PCDHA7: variants seen among roughly 807,000 people sequenced by gnomAD.
PCDHA7 encodes the protein protocadherin alpha 7.
PCDHA7 carries 37 observed loss-of-function variants against 57.2 expected under a neutral mutation model. The observed-to-expected ratio is 0.65, with a 90% CI of 0.50 to 0.85. PCDHA7 has a LOEUF of 0.85. Among genes scored for constraint, PCDHA7 ranks in the 40% least tolerant of loss-of-function variants. The probability of loss-of-function intolerance (pLI) is 0.00; values close to 1 mark genes in which losing one functional copy is unlikely to be tolerated. For synonymous variants in PCDHA7, 553 were observed against 558.8 expected, an observed-to-expected ratio of 0.99 and a Z score of 0.15; for missense variants, 1,188 against 1,241.8, an observed-to-expected ratio of 0.96 and a Z score of 0.65.
Position 140,915,626 on chromosome 5 carries a change from G to GTCTCTCTC in PCDHA7, c.2356-63300_2356-63293dup, listed in dbSNP as rs57920489. Among the ~76,000 whole-genome samples the GTCTCTCTC allele has an allele frequency of 4.4e-3, 648 of 146,532 alleles. 6 individuals carry two copies. Among genetic ancestry groups the GTCTCTCTC allele is most frequent in the East Asian group, 0.011 (51 of 4,846 alleles). Reference sequence around the variant, plus strand: ...ACTTTCTGTCAAACAGTCTCTTTCTGTCTCTCTCTCTCTCTCTCTCTCTCT... The same window carrying GTCTCTCTC: ...ACTTTCTGTCAAACAGTCTCTTTCTGTCTCTCTCTCTCTCTCTCTCTCTCTCTCTCTCT... On this transcript the variant is annotated intron_variant, in intron 1 of 3. Transcript: ENST00000525929.
At chr5:140,915,840 G>A (rs1554197129) in intron 1 of PCDHA7, among the ~76,000 whole-genome samples, 1 of 152,142 alleles carries the variant, frequency 6.6e-6, no homozygotes, top group Admixed American at 6.5e-5. Context: ...AGATCAGCAG[G>A]GGGTGACACC....
At chr5:140,947,371 A>G (rs1468768080) in intron 1 of PCDHA7, among the ~76,000 whole-genome samples, 1 of 151,626 alleles carries the variant, frequency 6.6e-6, no homozygotes, top group Non-Finnish European at 1.5e-5. Context: ...CCTTTGATCT[A>G]TATGTTTATC....
intron 1 of PCDHA7, chr5:140,848,326 C>T (rs1554142056): frequency 2.5e-6 from 2 of 808,244 alleles, no homozygotes; most frequent in African/African-American, 3.4e-5. Flanking sequence ...GATGTTCTCT[C>T]TGAATCCAGA....
chr5:140,869,999 G>A, intron 1 of PCDHA7: 1 of 1,613,514 alleles, frequency 6.2e-7, no homozygotes, highest in Non-Finnish European at 8.5e-7. Context: ...CAAAATAATG[G>A]AGAAGTGAGG....
chr5:140,836,611 G>T lies in PCDHA7; in HGVS notation c.2228G>T (p.Ser743Ile), dbSNP rs1554136131. 2 of 1,613,590 alleles carry T rather than the reference G, an allele frequency of 1.2e-6. No individual in the cohort carries two copies. The highest frequency in any genetic ancestry group is 4.5e-5 in the East Asian group (2 of 44,854). ...SLVKPTLVCSSAVGSWSFSQQ... is the reference protein window; with the variant it reads ...SLVKPTLVCSIAVGSWSFSQQ... ...GTAAAGCCCACTCTGGTGTGCTCCA[G>T]CGCGGTGGGGAGCTGGTCATTCTCC... Residue 743 changes from serine to isoleucine, a missense_variant, in exon 1 of 4, where the codon AGC (serine) becomes ATC (isoleucine). Around this residue, in one of 3 missense-constraint regions of PCDHA7, gnomAD observed 892 missense variants for 788.5 expected, o/e 1.13. Coordinates refer to ENST00000525929, the MANE Select transcript of PCDHA7 (RefSeq NM_018910.3).
In PCDHA7 at chr5:140,929,414, A is replaced by G. The variant is rs1174756115; in HGVS notation, c.2356-49535A>G. The G allele has an allele frequency of 6.6e-6, 10 of 1,504,304 alleles. No individual in the cohort carries two copies. The East Asian group carries it at 1.1e-4, about 17-fold the overall frequency. 93.2% of individuals were successfully genotyped at this position (1,504,304 alleles called of 1,614,324 possible). A position where few individuals can be genotyped will look rare whatever the true frequency, so the allele number is the denominator to read the frequency against. On this transcript the variant is annotated intron_variant, in intron 1 of 3. Transcript: ENST00000525929. ...ATATTTCTTAGACAAGCCTTTCACA[A>G]CATTTCATCAATTGAACTAAACACT...
chr5:140,894,670 C>T (rs971891585), intron 1 of PCDHA7, among the ~76,000 whole-genome samples: 2 of 151,580 alleles, frequency 1.3e-5, no homozygotes, highest in African/African-American at 4.8e-5. Flanking sequence ...TTTGTGTATT[C>T]TTGCATAGCT....
intron 1 of PCDHA7, among the ~76,000 whole-genome samples, chr5:140,900,275 C>T (rs1260418745): frequency 9.2e-5 from 14 of 151,438 alleles, no homozygotes; most frequent in African/African-American, 2.9e-4. Context: ...GTATATGTAC[C>T]ACACTTTCTT....
intron 1 of PCDHA7, chr5:140,883,833 C>G: frequency 6.2e-7 from 1 of 1,612,590 alleles, no homozygotes; most frequent in Non-Finnish European, 8.5e-7. Flanking sequence ...GCGCTGCAGC[C>G]GTTGGACCAC....
At chr5:140,884,049 T>C (rs1268930422) in intron 1 of PCDHA7, 2 of 1,613,296 alleles carry the variant, frequency 1.2e-6, no homozygotes, top group African/African-American at 1.3e-5. Flanking sequence ...GTGGCGAAGG[T>C]GCGCGCGGTG....
Position 141,010,304 on chromosome 5 carries a change from A to C in PCDHA7, c.*367A>C. 1.3e-6 allele frequency: 2 copies of C among 1,548,750 alleles called. No homozygotes were observed. Among genetic ancestry groups the C allele is most frequent in the Non-Finnish European group, 8.7e-7 (1 of 1,146,136 alleles). On this transcript the variant is annotated 3_prime_UTR_variant, in exon 4 of 4. Coordinates refer to ENST00000525929, the MANE Select transcript of PCDHA7 (RefSeq NM_018910.3). ...ATGACACTTGCAGGGCAGGCTGAAA[A>C]GTTTTGAGATTGAGCAGCTTGGGAG...
At chr5:140,853,040 G>C in intron 1 of PCDHA7, 2 of 265,518 alleles carry the variant, frequency 7.5e-6, no homozygotes, top group Non-Finnish European at 1.2e-5. Context: ...CACCATGCCC[G>C]CCTAATTTTT....
At chr5:140,841,343 G>T (rs1554138115) in intron 1 of PCDHA7, 1 of 1,612,324 alleles carries the variant, frequency 6.2e-7, no homozygotes, top group Non-Finnish European at 8.5e-7. Context: ...CTGGCGAGGA[G>T]AGCTGGGATC....
At chr5:140,898,059 G>C (rs372963837) in intron 1 of PCDHA7, among the ~76,000 whole-genome samples, 2 of 151,948 alleles carry the variant, frequency 1.3e-5, no homozygotes, top group Non-Finnish European at 1.5e-5. Flanking sequence ...TTGTAAATTT[G>C]TTTGAGTTCA....
intron 3 of PCDHA7, among the ~76,000 whole-genome samples, chr5:141,000,361 G>GTCTCTCTCTC (rs148596731): frequency 1.1e-4 from 3 of 26,446 alleles, no homozygotes; most frequent in East Asian, 1.6e-3. Context: ...GTCTCTCTCT[G>GTCTCTCTCTC]TCTCTCTCTC....
In PCDHA7 at chr5:140,875,510, G is replaced by T. The variant is rs186070067; in HGVS notation, c.2355+38772G>T. The stretch of plus-strand genomic sequence containing the variant: ...GGACCAAGAGGCCCGGGATCCCAGC[G>T]TCTGCTGCTCTCGCTTCTGCTCCTT... On this transcript the variant is annotated intron_variant, in intron 1 of 3. Transcript: ENST00000525929. 1.2e-5 allele frequency: 19 copies of T among 1,613,812 alleles called. No homozygotes were observed. Among genetic ancestry groups the T allele is most frequent in the Non-Finnish European group, 1.6e-5 (19 of 1,179,784 alleles).
intron 1 of PCDHA7, among the ~76,000 whole-genome samples, chr5:140,872,045 C>G (rs1286579116): frequency 6.6e-6 from 1 of 152,208 alleles, no homozygotes; most frequent in East Asian, 1.9e-4. Flanking sequence ...AAGAATTCTC[C>G]CACTTCAGCC....
At chr5:140,939,207 T>C (rs1013809748) in intron 1 of PCDHA7, among the ~76,000 whole-genome samples, 1 of 152,180 alleles carries the variant, frequency 6.6e-6, no homozygotes, top group Non-Finnish European at 1.5e-5. Context: ...GAATGTCACC[T>C]TCTTGCTGTC....
In PCDHA7 at chr5:140,835,835, G is replaced by A. The variant is rs2150246191; in HGVS notation, c.1452G>A (p.Ala484=). The change falls in exon 1 of 4, where the codon GCG becomes GCA. Residue 484 remains alanine (A), a synonymous_variant. Transcript: ENST00000525929. ...IFTVSAGDAD[A]QKNALVSYSL... ...CTGTGTCGGCGGGGGACGCGGACGC[G>A]CAGAAGAACGCGCTGGTGTCCTACT... 1 of 1,612,346 alleles carries A rather than the reference G, an allele frequency of 6.2e-7. No homozygotes were observed. Among genetic ancestry groups the A allele is most frequent in the Non-Finnish European group, 8.5e-7 (1 of 1,179,666 alleles).
Sources: gnomAD v4.1 joint callset for allele counts (sites outside exome capture counted in the v4.1 genomes callset) on GRCh38, gnomAD v4.1.1 for gene constraint, gnomAD v4.1.1 regional missense constraint, MANE v1.5 for transcripts, NCBI Gene and HGNC (gene_info 2026-07-23, HGNC 2026-07-21) for gene names.